Variants in NRCAM observed in about 807,000 individuals in gnomAD.
The protein encoded by NRCAM is neuronal cell adhesion molecule.
In NRCAM, 83 loss-of-function variants were observed where a neutral mutation model predicts 156.5. The observed-to-expected ratio is 0.53, with a 90% CI of 0.44 to 0.64. The LOEUF (loss-of-function observed/expected upper bound fraction) is 0.64. Ranked by LOEUF, NRCAM falls within the 30% of genes least tolerant of loss-of-function variation. The probability of loss-of-function intolerance (pLI) is 0.00; values close to 1 mark genes in which losing one functional copy is unlikely to be tolerated. For synonymous variants in NRCAM, 538 were observed against 563.9 expected (o/e 0.95, Z 0.65); for missense variants, 1,417 against 1,597.3 (o/e 0.89, Z 1.92).
At chr7:108,333,813 G>A (rs2099151089) in intron 2 of NRCAM, among the ~76,000 whole-genome samples, 1 of 152,094 alleles carries the variant, frequency 6.6e-6, no homozygotes. Context: ...TACTCCTTCT[G>A]CTACAGTTCA....
At chr7:108,447,492 G>C (rs181850016) in intron 1 of NRCAM, among the ~76,000 whole-genome samples, 6 of 151,932 alleles carry the variant, frequency 3.9e-5, no homozygotes, top group Non-Finnish European at 8.8e-5. Context: ...GGGCGCTCTT[G>C]AACTCCTGAT....
chr7:108,316,579 T>C (rs368387398), intron 2 of NRCAM, among the ~76,000 whole-genome samples: 159 of 151,450 alleles, frequency 1.0e-3, no homozygotes, highest in Middle Eastern at 6.8e-3. Context: ...ATCAAGACCA[T>C]CCTGTCTAAC....
chr7:108,184,753 A>C (rs1488136957), intron 20 of NRCAM, 139 bp from the exon 21 acceptor site: 5 of 647,792 alleles, frequency 7.7e-6, no homozygotes, highest in Non-Finnish European at 1.3e-5. Flanking sequence ...AATGCCATTA[A>C]AATATTTTGA....
intron 3 of NRCAM, among the ~76,000 whole-genome samples, chr7:108,275,626 TTTTC>T (rs1022139172): frequency 2.6e-5 from 4 of 152,214 alleles, no homozygotes; most frequent in South Asian, 2.1e-4. Flanking sequence ...TTCTTCTCTC[TTTTC>T]TTTATTAGTC....
intron 3 of NRCAM, among the ~76,000 whole-genome samples, chr7:108,280,676 TG>T (rs1230448584): frequency 3.3e-5 from 5 of 152,334 alleles, no homozygotes; most frequent in East Asian, 3.9e-4. Context: ...TTAACTGGAC[TG>T]GGGGAAATAA....
chr7:108,258,851 G>C (rs1210354691), intron 3 of NRCAM, among the ~76,000 whole-genome samples: 1 of 152,124 alleles, frequency 6.6e-6, no homozygotes, highest in Non-Finnish European at 1.5e-5. Flanking sequence ...CTTTCTACTT[G>C]GTTCCTATCC....
intron 2 of NRCAM, among the ~76,000 whole-genome samples, chr7:108,331,777 C>A (rs2099129770): frequency 6.6e-6 from 1 of 152,186 alleles, no homozygotes; most frequent in African/African-American, 2.4e-5. Flanking sequence ...CCTTCATGAT[C>A]TTTATTTTTG....
chr7:108,249,689 T>A (rs1420328980), intron 3 of NRCAM, among the ~76,000 whole-genome samples: 12 of 152,212 alleles, frequency 7.9e-5, no homozygotes, highest in Non-Finnish European at 1.6e-4. Flanking sequence ...GCATGAATGT[T>A]AGAAACAATG....
chr7:108,424,270 T>A (rs191347440), intron 1 of NRCAM, among the ~76,000 whole-genome samples: 2 of 152,272 alleles, frequency 1.3e-5, no homozygotes, highest in Admixed American at 1.3e-4. Flanking sequence ...AACTGCCCCC[T>A]CAGTCCCATG....
intron 26 of NRCAM, among the ~76,000 whole-genome samples, chr7:108,177,210 A>T (rs1429676785): frequency 3.9e-5 from 6 of 152,222 alleles, no homozygotes; most frequent in African/African-American, 1.4e-4. Flanking sequence ...TAAGTTAAAC[A>T]CCACATGTTC....
At chr7:108,440,893 T>C (rs1837779619) in intron 1 of NRCAM, among the ~76,000 whole-genome samples, 1 of 152,228 alleles carries the variant, frequency 6.6e-6, no homozygotes. Context: ...TTCAGCCTAC[T>C]CTGAGAACCT....
intron 2 of NRCAM, among the ~76,000 whole-genome samples, chr7:108,390,932 G>A (rs577519862): frequency 2.0e-5 from 3 of 152,230 alleles, no homozygotes; most frequent in Non-Finnish European, 4.4e-5. Context: ...ACTGTGGTCT[G>A]AGAGACAGTT....
In NRCAM at chr7:108,322,174, A is replaced by C. The variant is rs181017604; in HGVS notation, c.-173-9443T>G. ...ATTTCGTTTTTTTTCAAAGCTGGCA[A>C]GTCATTTTTGGTTCAACATTCTTTT... On this transcript the variant is annotated intron_variant, in intron 2 of 32. Coordinates refer to ENST00000379028, the MANE Select transcript of NRCAM (RefSeq NM_001037132.4). Among the ~76,000 whole-genome samples the C allele has an allele frequency of 1.0e-3, 155 of 152,252 alleles. No homozygotes were observed. In the Middle Eastern group the frequency reaches 0.01, roughly 10 times the overall value.
chr7:108,379,338 A>T (rs547192054), intron 2 of NRCAM, among the ~76,000 whole-genome samples: 15 of 152,340 alleles, frequency 9.8e-5, no homozygotes, highest in African/African-American at 3.6e-4. Context: ...TGCATGCTAC[A>T]ACATGATAAG....
intron 2 of NRCAM, among the ~76,000 whole-genome samples, chr7:108,394,195 C>T (rs77334057): frequency 0.027 from 4,070 of 152,224 alleles, 84 homozygotes; most frequent in African/African-American, 0.059. Context: ...AGGACAATCC[C>T]CAAAAGGAAG....
chr7:108,247,739 T>G (rs1392936821), intron 3 of NRCAM, among the ~76,000 whole-genome samples: 1 of 152,194 alleles, frequency 6.6e-6, no homozygotes, highest in Non-Finnish European at 1.5e-5. Flanking sequence ...TGTTAGTCTA[T>G]CCCTCCTACT....
At chr7:108,158,884 A>T (rs74837744) in intron 32 of NRCAM, among the ~76,000 whole-genome samples, 6 of 152,146 alleles carry the variant, frequency 3.9e-5, no homozygotes, top group Admixed American at 1.3e-4. Context: ...TTTTCCCTTA[A>T]TGATGGAGTC....
At chr7:108,204,985 T>C (rs1012988769) in intron 13 of NRCAM, among the ~76,000 whole-genome samples, 1 of 151,804 alleles carries the variant, frequency 6.6e-6, no homozygotes, top group African/African-American at 2.4e-5. Flanking sequence ...GTTATGAGTG[T>C]ATTTTCAAAG....
chr7:108,270,576 G>A (rs961573259), intron 3 of NRCAM, among the ~76,000 whole-genome samples: 1 of 152,092 alleles, frequency 6.6e-6, no homozygotes, highest in Admixed American at 6.5e-5. Context: ...TCAGGAAGTG[G>A]TCTACACTTA....
Sources: allele counts gnomAD v4.1 joint callset (sites outside exome capture counted in the v4.1 genomes callset), GRCh38; gene constraint gnomAD v4.1.1; transcripts MANE v1.5; gene names NCBI Gene and HGNC (gene_info 2026-07-23, HGNC 2026-07-21).